The following NFIB variants were observed in gnomAD, a reference collection of about 807,000 sequenced individuals.
NFIB encodes nuclear factor I B, also known as nuclear factor 1 B-type.
In NFIB, 11 loss-of-function variants were observed where a neutral mutation model predicts 61.5. That is an observed-to-expected ratio of 0.18 (90% confidence interval 0.11 to 0.30). NFIB has a LOEUF of 0.30. NFIB is among the 10% of genes least tolerant of loss of function. The pLI, the probability that NFIB is intolerant of heterozygous loss-of-function variation, is 1.00. For missense variants in NFIB, 471 were observed against 608.9 expected, an observed-to-expected ratio of 0.77 and a Z score of 2.38; for synonymous variants, 260 against 216.5, an observed-to-expected ratio of 1.20 and a Z score of -1.76.
chr9:14,322,861 C>A (rs1044433300), intron 1 of NFIB, among the ~76,000 whole-genome samples: 5 of 151,858 alleles, frequency 3.3e-5, no homozygotes, highest in African/African-American at 1.2e-4. Flanking sequence ...AGGGCGTGAC[C>A]GTCTCGGGGG....
At chr9:14,227,645 T>C (rs1330565353) in intron 2 of NFIB, among the ~76,000 whole-genome samples, 1 of 152,242 alleles carries the variant, frequency 6.6e-6, no homozygotes, top group Non-Finnish European at 1.5e-5. Context: ...TTGTTGATGA[T>C]AATAACCACC....
chr9:14,519,446 T>C, the NFIB span, among the ~76,000 whole-genome samples: 7 of 152,240 alleles, frequency 4.6e-5, no homozygotes, highest in East Asian at 3.9e-4. Flanking sequence ...TTTGTGGAAA[T>C]TGGTTGAGCC....
chr9:14,217,256 T>G (rs1260249046), intron 2 of NFIB, among the ~76,000 whole-genome samples: 1 of 152,232 alleles, frequency 6.6e-6, no homozygotes, highest in Admixed American at 6.5e-5. Context: ...TAACAGCAGA[T>G]AGAATCTAAA....
Position 14,085,287 on chromosome 9 carries a change from G to C in NFIB, c.*3022C>G, listed in dbSNP as rs1178559966. ...TTTATTTTATTAGGCCATGGCCTAG[G>C]GGAAGGGGGCCAGGGGACTCCTTAA... On this transcript the variant is annotated 3_prime_UTR_variant, in exon 11 of 11. Coordinates refer to ENST00000380953, the MANE Select transcript of NFIB (RefSeq NM_001190737.2). The C allele has an allele frequency of 8.8e-6, 2 of 226,194 alleles. No homozygotes were observed. Among genetic ancestry groups the C allele is most frequent in the Non-Finnish European group, 1.8e-5 (2 of 113,786 alleles). 14.0% of individuals were successfully genotyped at this position (226,194 alleles called of 1,614,324 possible).
At chr9:14,338,528 C>T (rs1167142254) in intron 1 of NFIB, among the ~76,000 whole-genome samples, 1 of 152,210 alleles carries the variant, frequency 6.6e-6, no homozygotes, top group Non-Finnish European at 1.5e-5. Context: ...AGTGACCTAA[C>T]ATCTGAGCTT....
At position 14,281,226 on chromosome 9, in the gene NFIB, C is replaced by T. The variant is rs368502616; in HGVS notation, c.562+25763G>A. Among the ~76,000 whole-genome samples, 7 of 152,278 alleles carry T rather than the reference C, an allele frequency of 4.6e-5. No individual in the cohort carries two copies. In the East Asian group the frequency reaches 5.8e-4, roughly 13 times the overall value. On this transcript the variant is annotated intron_variant, in intron 2 of 10. Coordinates refer to ENST00000380953, the MANE Select transcript of NFIB (RefSeq NM_001190737.2). ...TAATTATCCAATTAAACATATAATG[C>T]AAATAATAGAAGTCTTATGGGTTCC...
the NFIB span, among the ~76,000 whole-genome samples, chr9:14,442,378 A>G: frequency 1.3e-5 from 2 of 152,140 alleles, no homozygotes; most frequent in Admixed American, 1.3e-4. Context: ...CGTTGAGAGG[A>G]TCAAATGAGC....
chr9:14,352,254 A>AT (rs1222476330), intron 1 of NFIB, among the ~76,000 whole-genome samples: 2 of 134,164 alleles, frequency 1.5e-5, no homozygotes, highest in African/African-American at 6.1e-5. Context: ...AATTACACTG[A>AT]TTTTTTCATT....
chr9:14,242,225 T>G (rs2054439977), intron 2 of NFIB, among the ~76,000 whole-genome samples: 1 of 152,200 alleles, frequency 6.6e-6, no homozygotes, highest in South Asian at 2.1e-4. Flanking sequence ...TTGAAAGAAT[T>G]TATGTGTTTT....
chr9:14,206,648 C>T (rs1432401276), intron 2 of NFIB, among the ~76,000 whole-genome samples: 2 of 144,390 alleles, frequency 1.4e-5, no homozygotes, highest in South Asian at 2.2e-4. Flanking sequence ...GCAAAGAGAC[C>T]CTATGCTATC....
In NFIB at chr9:14,083,314, C is replaced by T. The variant is rs2032321826; in HGVS notation, c.*4995G>A. ...CAAAATCAGTGGTCCATGTTACCCCCCAACTGCAGGGCTCCACTCCACCCA... is the reference window on the plus strand; with the variant it reads ...CAAAATCAGTGGTCCATGTTACCCCTCAACTGCAGGGCTCCACTCCACCCA... On this transcript the variant is annotated 3_prime_UTR_variant, in exon 11 of 11. Coordinates refer to ENST00000380953, the MANE Select transcript of NFIB (RefSeq NM_001190737.2). 4.4e-6 allele frequency: 1 copy of T among 225,928 alleles called. No individual in the cohort carries two copies. The highest frequency in any genetic ancestry group is 5.7e-5 in the Admixed American group (1 of 17,492). 14.0% of individuals were successfully genotyped at this position (225,928 alleles called of 1,614,324 possible). A position where few individuals can be genotyped will look rare whatever the true frequency, so the allele number is the denominator to read the frequency against.
At chr9:14,504,449 C>T in the NFIB span, among the ~76,000 whole-genome samples, 1 of 152,162 alleles carries the variant, frequency 6.6e-6, no homozygotes, top group Non-Finnish European at 1.5e-5. Flanking sequence ...ATTGATTCTA[C>T]CCATTCATGA....
intron 1 of NFIB, among the ~76,000 whole-genome samples, chr9:14,368,372 T>G (rs2061325240): frequency 6.6e-6 from 1 of 152,210 alleles, no homozygotes; most frequent in Non-Finnish European, 1.5e-5. Context: ...TAAAAATTAC[T>G]CCTGAAATGC....
At chr9:14,147,705 A>C (rs73411934) in intron 5 of NFIB, among the ~76,000 whole-genome samples, 7,173 of 138,332 alleles carry the variant, frequency 0.052, 596 homozygotes, top group African/African-American at 0.18. Flanking sequence ...ACTGTGGCTC[A>C]ATCTTGGCTC....
chr9:14,298,913 C>T (rs1588207156), intron 2 of NFIB, among the ~76,000 whole-genome samples: 1 of 152,164 alleles, frequency 6.6e-6, no homozygotes, highest in Non-Finnish European at 1.5e-5. Flanking sequence ...AGCAGGGTTC[C>T]TGACACCAAG....
At chr9:14,485,574 C>G in the NFIB span, among the ~76,000 whole-genome samples, 1 of 152,176 alleles carries the variant, frequency 6.6e-6, no homozygotes, top group African/African-American at 2.4e-5. Flanking sequence ...GTAGTGATGA[C>G]TAATACAACA....
chr9:14,384,908 A>C (rs1312436050), intron 1 of NFIB, among the ~76,000 whole-genome samples: 1 of 152,024 alleles, frequency 6.6e-6, no homozygotes, highest in East Asian at 1.9e-4. Flanking sequence ...TTACTGTAGA[A>C]AAAAAAATGT....
chr9:14,215,879 T>C (rs10511593), intron 2 of NFIB, among the ~76,000 whole-genome samples: 22,788 of 152,180 alleles, frequency 0.15, 2,086 homozygotes, highest in Non-Finnish European at 0.2. Flanking sequence ...TTTCATCATC[T>C]TGTAAAAGGC....
intron 1 of NFIB, among the ~76,000 whole-genome samples, chr9:14,372,890 G>C (rs2061374241): frequency 1.3e-5 from 2 of 148,380 alleles, no homozygotes; most frequent in African/African-American, 2.5e-5. Flanking sequence ...TTGCCCTCAG[G>C]AAAAAGGTAT....
Sources: allele counts gnomAD v4.1 joint callset (sites outside exome capture counted in the v4.1 genomes callset), GRCh38; gene constraint gnomAD v4.1.1; transcripts MANE v1.5; gene names NCBI Gene and HGNC (gene_info 2026-07-23, HGNC 2026-07-21).